Variants in KRT33A observed in about 807,000 individuals in gnomAD.
The protein encoded by KRT33A is keratin 33A.
KRT33A carries 44 observed loss-of-function variants against 41.1 expected under a neutral mutation model. That is an observed-to-expected ratio of 1.07 (90% CI 0.84 to 1.38). KRT33A has a LOEUF of 1.38. KRT33A is among the 40% of genes most tolerant of loss of function. The pLI is 0.00. For missense variants in KRT33A, 536 were observed against 518.5 expected (o/e 1.03, Z -0.33); for synonymous variants, 229 against 227.8 (o/e 1.01, Z -0.05).
chr17:41,350,104 C>T (rs1245549703), intron 1 of KRT33A, among the ~76,000 whole-genome samples: 30 of 152,162 alleles, frequency 2.0e-4, no homozygotes, highest in Non-Finnish European at 4.4e-5. Flanking sequence ...TCCCCAGCTT[C>T]CTTTGGACTC....
rs200521065 is a variant in KRT33A at position 41,348,554 on chromosome 17, T to C, written c.517A>G (p.Arg173Gly). The change falls in exon 3 of 7, where the codon AGG becomes GGG. Residue 173 changes from arginine to glycine, a missense_variant. Transcript: ENST00000007735. ...RRILDELTLC[R>G]SDLEAQVESL... ...TCCACCTGGGCCTCCAGGTCAGACC[T>C]GCACAGGGTCAGCTCATCCAGGATC... 3 of 1,613,992 alleles carry C rather than the reference T, an allele frequency of 1.9e-6. No individual in the cohort carries two copies. The highest frequency in any genetic ancestry group is 2.2e-5 in the East Asian group (1 of 44,850).
rs1267275397 is a variant in KRT33A at position 41,350,825 on chromosome 17, C to G, written c.-58G>C. On this transcript the variant is annotated 5_prime_UTR_variant, in exon 1 of 7. Coordinates refer to ENST00000007735, the MANE Select transcript of KRT33A (RefSeq NM_004138.4). ...AGTCCAAAATCTCCAGGTTGTAGAGCGGTGGGTCTCCTTCCTCCAGGGAGC... is the reference window on the plus strand; with the variant it reads ...AGTCCAAAATCTCCAGGTTGTAGAGGGGTGGGTCTCCTTCCTCCAGGGAGC... The G allele has an allele frequency of 6.5e-7, 1 of 1,533,174 alleles. No individual in the cohort carries two copies. 95.0% of individuals were successfully genotyped at this position (1,533,174 alleles called of 1,614,324 possible). A position where few individuals can be genotyped will look rare whatever the true frequency, so the allele number is the denominator to read the frequency against.
Position 41,348,648 on chromosome 17 carries a change from A to G in KRT33A, c.432-9T>C. On this transcript the variant is annotated splice_polypyrimidine_tract_variant and intron_variant, in intron 2 of 6. Coordinates refer to ENST00000007735, the MANE Select transcript of KRT33A (RefSeq NM_004138.4). ...ACAGCTCGGTCTCATATCTGTGATCACAGGAGGGTCAGGAACAGGCTGGGC... is the reference window on the plus strand; with the variant it reads ...ACAGCTCGGTCTCATATCTGTGATCGCAGGAGGGTCAGGAACAGGCTGGGC... 1 of 1,613,924 alleles carries G rather than the reference A, an allele frequency of 6.2e-7. No individual in the cohort carries two copies.
rs1474713959 is a variant in KRT33A at position 41,350,768 on chromosome 17, G to C, written c.-1C>G. 1 of 1,609,584 alleles carries C rather than the reference G, an allele frequency of 6.2e-7. No individual in the cohort carries two copies. On this transcript the variant is annotated 5_prime_UTR_variant, in exon 1 of 7. Transcript: ENST00000007735. ...TGGGCAGGCCACAACTGTAAGACATGGTGCAGGGAGGGAGTGTCCAGCTGA... is the reference window on the plus strand; with the variant it reads ...TGGGCAGGCCACAACTGTAAGACATCGTGCAGGGAGGGAGTGTCCAGCTGA...
At chr17:41,347,847 G>A (rs550244021) in intron 3 of KRT33A, among the ~76,000 whole-genome samples, 6 of 152,152 alleles carry the variant, frequency 3.9e-5, no homozygotes, top group Non-Finnish European at 8.8e-5. Flanking sequence ...TTGAAGCCTC[G>A]ATTTCTTCAT....
chr17:41,349,956 G>T (rs1044948602), intron 1 of KRT33A, among the ~76,000 whole-genome samples: 4 of 152,146 alleles, frequency 2.6e-5, no homozygotes, highest in African/African-American at 9.7e-5. Context: ...ACCAGGAGAA[G>T]CCCAGAGGCA....
chr17:41,349,123 A>G (rs1168270058), intron 2 of KRT33A, among the ~76,000 whole-genome samples: 4 of 152,234 alleles, frequency 2.6e-5, no homozygotes. Context: ...TCACAGTACG[A>G]CTAGGGGTGT....
intron 1 of KRT33A, among the ~76,000 whole-genome samples, chr17:41,350,028 T>C (rs749747551): frequency 8.5e-5 from 13 of 152,132 alleles, no homozygotes; most frequent in African/African-American, 1.9e-4. Flanking sequence ...CAGCCAGCAG[T>C]CCAAGGGGCA....
chr17:41,346,263 G>T, intron 6 of KRT33A, 27 bp from the exon 7 acceptor site: 1 of 1,605,922 alleles, frequency 6.2e-7, no homozygotes, highest in Non-Finnish European at 8.5e-7. Context: ...ATTGGAGCAA[G>T]TTAGAGTAAA....
In KRT33A at chr17:41,346,458, C is replaced by A; in HGVS notation, c.1087G>T (p.Glu363Ter). The stretch of plus-strand genomic sequence containing the variant: ...TACCCCCATACTGACTTGCAGTCCT[C>A]GCTCTCCAGCAGGCTCCGGTACGTG... ...INTYRSLLES[E>*]DCKLPSNPCA... The change falls in exon 6 of 7, where the codon GAG (glutamate) becomes TAG (stop). Residue 363 changes from glutamate to a stop codon, truncating the protein, a stop_gained. Coordinates refer to ENST00000007735, the MANE Select transcript of KRT33A (RefSeq NM_004138.4). LOFTEE classifies it low-confidence loss of function (END_TRUNC). The A allele has an allele frequency of 1.2e-6, 2 of 1,614,042 alleles. No individual in the cohort carries two copies. The highest frequency in any genetic ancestry group is 1.7e-6 in the Non-Finnish European group (2 of 1,179,954).
At chr17:41,349,743 T>C (rs538028033) in intron 1 of KRT33A, among the ~76,000 whole-genome samples, 11 of 151,956 alleles carry the variant, frequency 7.2e-5, no homozygotes, top group African/African-American at 2.4e-4. Flanking sequence ...ATACAAAAAT[T>C]GGTAAGCACT....
intron 1 of KRT33A, among the ~76,000 whole-genome samples, chr17:41,349,733 A>T (rs567966599): frequency 9.9e-4 from 151 of 152,060 alleles, no homozygotes; most frequent in African/African-American, 3.6e-3. Flanking sequence ...GGAGCTGAGG[A>T]TACAAAAATT....
rs546547704 is a variant in KRT33A at position 41,346,967 on chromosome 17, G to T, written c.753C>A (p.Thr251=). ...ATACCACCTGCTTGTTCAGCTCCTC[G>T]GTCTGAAACACCCAAGGGGAGAAAG... ...REVEQWFATQ[T]EELNKQVVSS... Residue 251 remains threonine, a splice_region_variant and synonymous_variant, in exon 5 of 7, where the codon ACC becomes ACA. Coordinates refer to ENST00000007735, the MANE Select transcript of KRT33A (RefSeq NM_004138.4). 1 of 1,613,740 alleles carries T rather than the reference G, an allele frequency of 6.2e-7. No homozygotes were observed. The highest frequency in any genetic ancestry group is 8.5e-7 in the Non-Finnish European group (1 of 1,179,968).
At chr17:41,350,372 C>A in intron 1 of KRT33A, 48 bp downstream of exon 1, 1 of 1,587,010 alleles carries the variant, frequency 6.3e-7, no homozygotes, top group South Asian at 1.1e-5. Flanking sequence ...AACTCGGATT[C>A]TCTCCCGACA....
At chr17:41,349,215 G>T in intron 2 of KRT33A, 131 bp downstream of exon 2, 1 of 849,654 alleles carries the variant, frequency 1.2e-6, no homozygotes, top group Non-Finnish European at 1.9e-6. Context: ...TGGTGGCTCT[G>T]TGAATCTTGG....
chr17:41,349,279 C>A, intron 2 of KRT33A, 67 bp downstream of exon 2: 1 of 1,498,664 alleles, frequency 6.7e-7, no homozygotes, highest in Non-Finnish European at 9.3e-7. Context: ...GTGTTGACAA[C>A]AGGCTAAAGG....
At chr17:41,349,459 A>G in intron 1 of KRT33A, 31 bp from the exon 2 acceptor site, 1 of 1,612,122 alleles carries the variant, frequency 6.2e-7, no homozygotes, top group Non-Finnish European at 8.5e-7. Flanking sequence ...AAGAATGAGC[A>G]AGGACTTGGT....
At position 41,347,181 on chromosome 17, in the gene KRT33A, G is replaced by A. The variant is rs145206731; in HGVS notation, c.630C>T (p.Asn210=). The part of the protein sequence containing the change: ...TLRCQLGDRL[N]VEVDAAPTVD... ...CAGTGGGAGCAGCGTCCACCTCCACGTTGAGGCGGTCTCCAAGCTGGCAGC... is the reference window on the plus strand; with the variant it reads ...CAGTGGGAGCAGCGTCCACCTCCACATTGAGGCGGTCTCCAAGCTGGCAGC... The change falls in exon 4 of 7, where the codon AAC becomes AAT. Residue 210 remains asparagine (N), a synonymous_variant. Transcript: ENST00000007735. The A allele has an allele frequency of 6.6e-5, 106 of 1,613,598 alleles. No individual in the cohort carries two copies. Among genetic ancestry groups the A allele is most frequent in the Non-Finnish European group, 6.4e-5 (75 of 1,179,888 alleles).
In KRT33A at chr17:41,346,885, C is replaced by G. The variant is rs749454777; in HGVS notation, c.835G>C (p.Val279Leu). 8 of 1,613,042 alleles carry G rather than the reference C, an allele frequency of 5.0e-6. No individual in the cohort carries two copies. In the Admixed American group the frequency reaches 1.3e-4, roughly 27 times the overall value. The change falls in exon 5 of 7, where the codon GTC (valine) becomes CTC (leucine). Residue 279 changes from valine (V) to leucine (L), a missense_variant. Transcript: ENST00000007735. Reference protein sequence around the residue: ...QAEIIELRRTVNALEIELQAQ... With the variant: ...QAEIIELRRTLNALEIELQAQ... The stretch of plus-strand genomic sequence containing the variant: ...TGCAGCTCGATCTCCAGGGCATTGA[C>G]CGTGCGTCTCAGCTCGATGATCTCC...
Sources: gnomAD v4.1 joint callset for allele counts (sites outside exome capture counted in the v4.1 genomes callset) on GRCh38, gnomAD v4.1.1 for gene constraint, MANE v1.5 for transcripts, NCBI Gene and HGNC (gene_info 2026-07-23, HGNC 2026-07-21) for gene names.